TUBB4A: variants seen among roughly 807,000 people sequenced by gnomAD.
TUBB4A encodes the protein tubulin beta 4A class IVa, also known as tubulin beta-4A chain.
Under a neutral mutation model 35.1 loss-of-function variants are expected in TUBB4A, and 13 were observed. The observed-to-expected ratio is 0.37, with a 90% CI of 0.24 to 0.59. The LOEUF (loss-of-function observed/expected upper bound fraction) is 0.59, where lower values mean the gene tolerates loss of function less well. Among genes scored for constraint, TUBB4A ranks in the 20% least tolerant of loss-of-function variants. TUBB4A has a pLI of 0.71. For synonymous variants in TUBB4A, 279 were observed against 272.4 expected, an observed-to-expected ratio of 1.02 and a Z score of -0.24; for missense variants, 299 against 647.2, an observed-to-expected ratio of 0.46 and a Z score of 5.84.
intron 1 of TUBB4A, 124 bp downstream of exon 1, chr19:6,502,032 G>A (rs926139711): frequency 1.9e-4 from 207 of 1,087,688 alleles, no homozygotes; most frequent in Admixed American, 4.1e-4. Context: ...CCCCTGGGGC[G>A]CGCTGGCCTC....
intron 3 of TUBB4A, among the ~76,000 whole-genome samples, chr19:6,498,651 G>A (rs1176600213): frequency 6.6e-6 from 1 of 152,172 alleles, no homozygotes; most frequent in Admixed American, 6.6e-5. Flanking sequence ...TTTCCCCCCA[G>A]GTATTCACCT....
chr19:6,500,996 G>A lies in TUBB4A; in HGVS notation c.277+291C>T, dbSNP rs1385764958. On this transcript the variant is annotated intron_variant, in intron 3 of 3. Transcript: ENST00000264071. The stretch of plus-strand genomic sequence containing the variant: ...GCTCACTGTTTGTTGAATGCATGAA[G>A]TGGCAGAATTGGGATGTGCACCCAG... The A allele has an allele frequency of 1.0e-5, 4 of 395,942 alleles. No homozygotes were observed. The East Asian group carries it at 1.7e-4, about 17-fold the overall frequency. 24.5% of individuals were successfully genotyped at this position (395,942 alleles called of 1,614,324 possible). A position where few individuals can be genotyped will look rare whatever the true frequency, so the allele number is the denominator to read the frequency against.
In TUBB4A at chr19:6,495,055, G is replaced by A. The variant is rs2145241737; in HGVS notation, c.*109C>T. ...TCCAAAGGTATTGTTAGGGTCAGCG[G>A]GGAGTCAGCCTTGGAGGGAAAGCGG... On this transcript the variant is annotated 3_prime_UTR_variant, in exon 4 of 4. Coordinates refer to ENST00000264071, the MANE Select transcript of TUBB4A (RefSeq NM_006087.4). The surrounding 1 kb of genome is among the most constrained non-coding windows in gnomAD (Gnocchi z 8.7). The A allele has an allele frequency of 7.5e-7, 1 of 1,332,554 alleles. No homozygotes were observed. The highest frequency in any genetic ancestry group is 2.2e-5 in the Admixed American group (1 of 46,048). 82.5% of individuals were successfully genotyped at this position (1,332,554 alleles called of 1,614,324 possible).
Position 6,501,132 on chromosome 19 carries a change from G to A in TUBB4A, c.277+155C>T, listed in dbSNP as rs1010001740. The A allele has an allele frequency of 4.9e-6, 3 of 612,976 alleles. No homozygotes were observed. The highest frequency in any genetic ancestry group is 8.6e-6 in the Non-Finnish European group (3 of 349,110). 38.0% of individuals were successfully genotyped at this position (612,976 alleles called of 1,614,324 possible). A position where few individuals can be genotyped will look rare whatever the true frequency, so the allele number is the denominator to read the frequency against. ...CCTCAGGGCTCTCACAGTGGCCTGAGCATCCCCTCATCACAGCCCTGGATG... is the reference window on the plus strand; with the variant it reads ...CCTCAGGGCTCTCACAGTGGCCTGAACATCCCCTCATCACAGCCCTGGATG... On this transcript the variant is annotated intron_variant, in intron 3 of 3. Coordinates refer to ENST00000264071, the MANE Select transcript of TUBB4A (RefSeq NM_006087.4). This position sits in a 1 kb window ranked among gnomAD's most constrained non-coding sequence, Gnocchi z 4.2.
Position 6,501,816 on chromosome 19 carries a change from C to T in TUBB4A, c.58-193G>A, listed in dbSNP as rs937102926. ...CGGTGGGGGCGGGGTGCAGCCGAGTCAGCACCCAGCGGGGCCGGCTGGTGC... is the reference window on the plus strand; with the variant it reads ...CGGTGGGGGCGGGGTGCAGCCGAGTTAGCACCCAGCGGGGCCGGCTGGTGC... On this transcript the variant is annotated intron_variant, in intron 1 of 3. Coordinates refer to ENST00000264071, the MANE Select transcript of TUBB4A (RefSeq NM_006087.4). The surrounding 1 kb of genome is among the most constrained non-coding windows in gnomAD (Gnocchi z 4.2). 3 of 603,226 alleles carry T rather than the reference C, an allele frequency of 5.0e-6. No individual in the cohort carries two copies. Among genetic ancestry groups the T allele is most frequent in the African/African-American group, 3.7e-5 (2 of 53,692 alleles). The allele number at this position is 603,226 out of a possible 1,614,324, so 37.4% of individuals were successfully genotyped here. A position where few individuals can be genotyped will look rare whatever the true frequency, so the allele number is the denominator to read the frequency against.
At position 6,501,294 on chromosome 19, in the gene TUBB4A, G is replaced by T. The variant is rs369521667; in HGVS notation, c.270C>A (p.Phe90Leu). 2.6e-5 allele frequency: 42 copies of T among 1,613,640 alleles called. No homozygotes were observed. Among genetic ancestry groups the T allele is most frequent in the Non-Finnish European group, 3.1e-5 (36 of 1,179,808 alleles). Reference sequence around the variant, plus strand: ...CCCTGCTGGGGGACTCACCAAACACGAAGTTGTCCGGCCGAAAGATCTGAC... The same window carrying T: ...CCCTGCTGGGGGACTCACCAAACACTAAGTTGTCCGGCCGAAAGATCTGAC... ...PFGQIFRPDN[F>L]VFGQSGAGNN... Residue 90 changes from phenylalanine (F) to leucine (L), a missense_variant, in exon 3 of 4, where the codon TTC becomes TTA. By Grantham distance (22) the Phe-to-Leu change is conservative. Around this residue, in one of 5 missense-constraint regions of TUBB4A, gnomAD observed 123 missense variants for 226.0 expected, o/e 0.54. Coordinates refer to ENST00000264071, the MANE Select transcript of TUBB4A (RefSeq NM_006087.4). This position sits in a 1 kb window ranked among gnomAD's most constrained non-coding sequence, Gnocchi z 4.2.
In TUBB4A at chr19:6,495,545, C is replaced by T. The variant is rs1914108209; in HGVS notation, c.954G>A (p.Arg318=). The change falls in exon 4 of 4, where the codon CGG becomes CGA. Residue 318 remains arginine, a synonymous_variant. Transcript: ENST00000264071. The surrounding 1 kb of genome is among the most constrained non-coding windows in gnomAD (Gnocchi z 8.7). ...GRYLTVAAVF[R]GRMSMKEVDE... Reference sequence around the variant, plus strand: ...CCACCTCCTTCATGGACATGCGGCCCCGGAACACGGCGGCCACGGTCAGGT... The same window carrying T: ...CCACCTCCTTCATGGACATGCGGCCTCGGAACACGGCGGCCACGGTCAGGT... 1 of 1,614,154 alleles carries T rather than the reference C, an allele frequency of 6.2e-7. No homozygotes were observed. The highest frequency in any genetic ancestry group is 1.1e-5 in the South Asian group (1 of 91,086).
chr19:6,499,823 G>A lies in TUBB4A; in HGVS notation c.277+1464C>T, dbSNP rs563678785. 8.7e-5 allele frequency among the ~76,000 whole-genome samples: 13 copies of A among 148,888 alleles called. No homozygotes were observed. The South Asian group carries it at 2.7e-3, about 31-fold the overall frequency. On this transcript the variant is annotated intron_variant, in intron 3 of 3. Transcript: ENST00000264071. ...ATTTTTTTTTTTTTTTGGAGACGAA[G>A]TTTCACTCTTGTTGCCCACGCTGGG...
chr19:6,497,480 G>A (rs1914304227), intron 3 of TUBB4A, among the ~76,000 whole-genome samples: 1 of 151,672 alleles, frequency 6.6e-6, no homozygotes, highest in Admixed American at 6.6e-5. Context: ...TGCCCAGGCT[G>A]TTCTTGAACT....
In TUBB4A at chr19:6,495,218, G is replaced by A. The variant is rs149205820; in HGVS notation, c.1281C>T (p.Asp427=). The stretch of plus-strand genomic sequence containing the variant: ...CGAACTCGCCCTCCTCGGCCGTGGC[G>A]TCCTGGTACTGCTGGTACTCAGATA... ...DLVSEYQQYQ[D]ATAEEGEFEE... Residue 427 remains aspartate (D), a synonymous_variant, in exon 4 of 4, where the codon GAC becomes GAT. Coordinates refer to ENST00000264071, the MANE Select transcript of TUBB4A (RefSeq NM_006087.4). This position sits in a 1 kb window ranked among gnomAD's most constrained non-coding sequence, Gnocchi z 8.7. 4.6e-5 allele frequency: 75 copies of A among 1,613,930 alleles called. No individual in the cohort carries two copies. In the African/African-American group the frequency reaches 5.3e-4, roughly 11 times the overall value.
Position 6,495,084 on chromosome 19 carries a change from T to A in TUBB4A, c.*80A>T. 13 of 1,539,102 alleles carry A rather than the reference T, an allele frequency of 8.4e-6. No homozygotes were observed. Among genetic ancestry groups the A allele is most frequent in the Middle Eastern group, 2.1e-4 (1 of 4,698 alleles). ...GTCAGCCTTGGAGGGAAAGCGGGGC[T>A]CTAGGGTTCAGAGATGGGGGGCCTA... On this transcript the variant is annotated 3_prime_UTR_variant, in exon 4 of 4. Transcript: ENST00000264071. The surrounding 1 kb of genome is among the most constrained non-coding windows in gnomAD (Gnocchi z 8.7).
rs1482041560 is a variant in TUBB4A, at chr19:6,494,843, G to A, written c.*321C>T. The A allele has an allele frequency of 2.2e-6, 1 of 465,032 alleles. No individual in the cohort carries two copies. The highest frequency in any genetic ancestry group is 3.9e-6 in the Non-Finnish European group (1 of 254,510). The allele number at this position is 465,032 out of a possible 1,614,324, so 28.8% of individuals were successfully genotyped here. A position where few individuals can be genotyped will look rare whatever the true frequency, so the allele number is the denominator to read the frequency against. ...GGATTCATGGGGGGCAGAGGTCAAAGGTGAAGCAGAAGTCAGGGGTGAAGG... is the reference window on the plus strand; with the variant it reads ...GGATTCATGGGGGGCAGAGGTCAAAAGTGAAGCAGAAGTCAGGGGTGAAGG... On this transcript the variant is annotated 3_prime_UTR_variant, in exon 4 of 4. Coordinates refer to ENST00000264071, the MANE Select transcript of TUBB4A (RefSeq NM_006087.4).
In TUBB4A at chr19:6,501,497, G is replaced by C; in HGVS notation, c.166+18C>G. On this transcript the variant is annotated intron_variant, in intron 2 of 3. Coordinates refer to ENST00000264071, the MANE Select transcript of TUBB4A (RefSeq NM_006087.4). The surrounding 1 kb of genome is among the most constrained non-coding windows in gnomAD (Gnocchi z 4.2). ...CCAGCTGCCCCTTCCCACCTGGAAG[G>C]TGCCTCCTTCGCCCTACCTGTGGCC... The C allele has an allele frequency of 6.2e-7, 1 of 1,611,580 alleles. No homozygotes were observed. Among genetic ancestry groups the C allele is most frequent in the South Asian group, 1.1e-5 (1 of 90,926 alleles).
At position 6,495,442 on chromosome 19, in the gene TUBB4A, C is replaced by T. The variant is rs771498039; in HGVS notation, c.1057G>A (p.Val353Met). Residue 353 changes from valine (V) to methionine (M), a missense_variant, in exon 4 of 4, where the codon GTG (valine) becomes ATG (methionine). This residue lies in a region of TUBB4A where 125 missense variants were observed against 279.1 expected (regional missense o/e 0.45). Coordinates refer to ENST00000264071, the MANE Select transcript of TUBB4A (RefSeq NM_006087.4). The surrounding 1 kb of genome is among the most constrained non-coding windows in gnomAD (Gnocchi z 8.7). ...EWIPNNVKTA[V>M]CDIPPRGLKM... is the part of the protein sequence containing the mutation. ...AGGCCGCGGGGCGGGATGTCGCACA[C>T]GGCCGTCTTCACGTTGTTGGGGATC... The T allele has an allele frequency of 6.2e-7, 1 of 1,614,172 alleles. No homozygotes were observed. Among genetic ancestry groups the T allele is most frequent in the Non-Finnish European group, 8.5e-7 (1 of 1,180,036 alleles).
In TUBB4A at chr19:6,501,464, G is replaced by A. The variant is rs770326985; in HGVS notation, c.166+51C>T. The A allele has an allele frequency of 1.9e-6, 3 of 1,605,148 alleles. No homozygotes were observed. The highest frequency in any genetic ancestry group is 2.2e-5 in the South Asian group (2 of 90,528). On this transcript the variant is annotated intron_variant, in intron 2 of 3. Transcript: ENST00000264071. The surrounding 1 kb of genome is among the most constrained non-coding windows in gnomAD (Gnocchi z 4.2). ...AACCACAGGCGCCCGGTAGCATCCT[G>A]TTCCCTCCCAGCTGCCCCTTCCCAC...
chr19:6,502,219 G>T lies in TUBB4A; in HGVS notation c.-7C>A. On this transcript the variant is annotated 5_prime_UTR_variant, in exon 1 of 4. Coordinates refer to ENST00000264071, the MANE Select transcript of TUBB4A (RefSeq NM_006087.4). ...GGTGCACGATCTCCCGCATGGCGGTGGCGCTGAGGGTGGACGCGGCGGCGG... is the reference window on the plus strand; with the variant it reads ...GGTGCACGATCTCCCGCATGGCGGTTGCGCTGAGGGTGGACGCGGCGGCGG... 6.5e-7 allele frequency: 1 copy of T among 1,545,686 alleles called. No individual in the cohort carries two copies. Among genetic ancestry groups the T allele is most frequent in the East Asian group, 2.5e-5 (1 of 39,576 alleles).
intron 3 of TUBB4A, chr19:6,500,750 A>AC (rs567455600): frequency 1.3e-5 from 2 of 152,162 alleles, no homozygotes; most frequent in Admixed American, 1.3e-4. Context: ...TGTCTGAAAA[A>AC]AAAAAAAAAA....
Position 6,495,025 on chromosome 19 carries a change from C to T in TUBB4A, c.*139G>A, listed in dbSNP as rs543393055. ...GGAGATGAAGTAGCCAGAGGTAAAG[C>T]GAGCTCCAAAGGTATTGTTAGGGTC... On this transcript the variant is annotated 3_prime_UTR_variant, in exon 4 of 4. Transcript: ENST00000264071. The surrounding 1 kb of genome is among the most constrained non-coding windows in gnomAD (Gnocchi z 8.7). 13 of 1,025,682 alleles carry T rather than the reference C, an allele frequency of 1.3e-5. No homozygotes were observed. The highest frequency in any genetic ancestry group is 3.2e-5 in the African/African-American group (2 of 61,576). 63.5% of individuals were successfully genotyped at this position (1,025,682 alleles called of 1,614,324 possible). A position where few individuals can be genotyped will look rare whatever the true frequency, so the allele number is the denominator to read the frequency against.
At chr19:6,499,084 G>T (rs555198693) in intron 3 of TUBB4A, among the ~76,000 whole-genome samples, 1 of 152,126 alleles carries the variant, frequency 6.6e-6, no homozygotes, top group African/African-American at 2.4e-5. Flanking sequence ...CAGCACTTTG[G>T]GAAGCAGAGG....
Sources: allele counts gnomAD v4.1 joint callset (sites outside exome capture counted in the v4.1 genomes callset), GRCh38; gene constraint gnomAD v4.1.1; regional missense constraint gnomAD v4.1.1; non-coding constraint Gnocchi (gnomAD v3.1); transcripts MANE v1.5; gene names NCBI Gene and HGNC (gene_info 2026-07-23, HGNC 2026-07-21).